Variants in EXOC4 observed in about 807,000 individuals in gnomAD.
EXOC4 encodes exocyst complex component 4, also known as SEC8-like 1.
EXOC4 carries 71 observed loss-of-function variants against 107.2 expected under a neutral mutation model. The observed-to-expected ratio is 0.66, with a 90% CI of 0.55 to 0.81. The LOEUF (loss-of-function observed/expected upper bound fraction) is 0.81. EXOC4 is among the 30% of genes least tolerant of loss of function. EXOC4 has a pLI of 0.00. For missense variants in EXOC4, 1,108 were observed against 1,189.6 expected, an observed-to-expected ratio of 0.93 and a Z score of 1.01; for synonymous variants, 456 against 441.2, an observed-to-expected ratio of 1.03 and a Z score of -0.42.
intron 1 of EXOC4, among the ~76,000 whole-genome samples, chr7:133,267,511 G>A (rs1793759639): frequency 6.6e-6 from 1 of 152,080 alleles, no homozygotes; most frequent in South Asian, 2.1e-4. Flanking sequence ...CTTTATCCGA[G>A]AGGCCCTCCC....
chr7:133,474,372 G>GT (rs1407662076), intron 7 of EXOC4, among the ~76,000 whole-genome samples: 2 of 152,086 alleles, frequency 1.3e-5, no homozygotes, highest in Non-Finnish European at 2.9e-5. Context: ...CTGGAGTGCA[G>GT]TGGCATGATC....
chr7:133,630,186 ATTAT>A, intron 10 of EXOC4, 45 bp downstream of exon 10: 1 of 1,420,862 alleles, frequency 7.0e-7, no homozygotes, highest in Non-Finnish European at 9.9e-7. Context: ...CAATATTTTC[ATTAT>A]TTATGCTGGT....
chr7:133,955,844 G>GCCCA lies in EXOC4; in HGVS notation c.2206+17776_2206+17779dup, dbSNP rs112437675. Reference sequence around the variant, plus strand: ...GCATACGTGACCAGGTTGCAACAGTGCCCAGGCTTAGCCTCAACTTTGCTC... The same window carrying GCCCA: ...GCATACGTGACCAGGTTGCAACAGTGCCCACCCAGGCTTAGCCTCAACTTTGCTC... On this transcript the variant is annotated intron_variant, in intron 14 of 17. Coordinates refer to ENST00000253861, the MANE Select transcript of EXOC4 (RefSeq NM_021807.4). 1.5e-4 allele frequency among the ~76,000 whole-genome samples: 23 copies of GCCCA among 152,382 alleles called. 1 individual carries two copies. The highest frequency in any genetic ancestry group is 4.1e-4 in the African/African-American group (17 of 41,592).
At chr7:134,014,641 AATAG>A (rs1167781111) in intron 17 of EXOC4, among the ~76,000 whole-genome samples, 5 of 152,142 alleles carry the variant, frequency 3.3e-5, no homozygotes, top group Middle Eastern at 3.2e-3. Context: ...GAAATGGGGA[AATAG>A]ATAGAGGAGT....
At chr7:134,100,168 T>TA in the EXOC4 span, among the ~76,000 whole-genome samples, 1 of 152,068 alleles carries the variant, frequency 6.6e-6, no homozygotes, top group African/African-American at 2.4e-5. Flanking sequence ...GTGAGGAAAA[T>TA]ACCTTTTTCT....
intron 9 of EXOC4, among the ~76,000 whole-genome samples, chr7:133,512,770 A>G (rs990422954): frequency 1.3e-5 from 2 of 152,184 alleles, no homozygotes; most frequent in Non-Finnish European, 2.9e-5. Context: ...TACTCCTTCT[A>G]CGCCTCAGTC....
Position 133,879,628 on chromosome 7 carries a change from A to T in EXOC4, c.1735-15971A>T, listed in dbSNP as rs187377674. Reference sequence around the variant, plus strand: ...TCATTGATTTTTCATATTTTTCATTACGTGTAATTACCTGTAATAATTTAT... The same window carrying T: ...TCATTGATTTTTCATATTTTTCATTTCGTGTAATTACCTGTAATAATTTAT... On this transcript the variant is annotated intron_variant, in intron 11 of 17. Transcript: ENST00000253861. Among the ~76,000 whole-genome samples, 6 of 152,256 alleles carry T rather than the reference A, an allele frequency of 3.9e-5. No individual in the cohort carries two copies. The East Asian group carries it at 1.2e-3, about 29-fold the overall frequency.
chr7:134,001,434 T>C (rs1198397205), intron 15 of EXOC4, among the ~76,000 whole-genome samples: 1 of 151,814 alleles, frequency 6.6e-6, no homozygotes, highest in Non-Finnish European at 1.5e-5. Context: ...AAAAATACTT[T>C]ATTTGAATTT....
intron 17 of EXOC4, among the ~76,000 whole-genome samples, chr7:134,033,331 G>T (rs144906458): frequency 6.6e-6 from 1 of 152,156 alleles, no homozygotes; most frequent in Admixed American, 6.5e-5. Context: ...AGCCATCCTA[G>T]GAAATATTTA....
chr7:133,311,349 A>G (rs1794866923), intron 4 of EXOC4, among the ~76,000 whole-genome samples: 1 of 152,194 alleles, frequency 6.6e-6, no homozygotes, highest in Admixed American at 6.5e-5. Flanking sequence ...TGCAGACATG[A>G]AGTAGAAAAT....
the EXOC4 span, among the ~76,000 whole-genome samples, chr7:134,083,512 C>G: frequency 9.2e-5 from 14 of 152,192 alleles, no homozygotes; most frequent in African/African-American, 3.4e-4. Flanking sequence ...ATGGCACCAA[C>G]TAGAGTCACC....
intron 9 of EXOC4, among the ~76,000 whole-genome samples, chr7:133,609,657 G>A (rs1001768473): frequency 2.0e-5 from 3 of 152,200 alleles, no homozygotes; most frequent in Admixed American, 6.5e-5. Context: ...TGCCTTACAT[G>A]TGATTTTATC....
At chr7:133,771,169 G>A (rs1796236678) in intron 10 of EXOC4, 1 of 151,922 alleles carries the variant, frequency 6.6e-6, no homozygotes, top group Admixed American at 6.6e-5. Context: ...ATGGAAGACA[G>A]GACTGGAAAG....
At chr7:133,826,079 C>T (rs2151230920) in intron 11 of EXOC4, among the ~76,000 whole-genome samples, 1 of 152,234 alleles carries the variant, frequency 6.6e-6, no homozygotes, top group East Asian at 1.9e-4. Flanking sequence ...TGACTTGTGG[C>T]TACCTAAGAC....
chr7:133,810,596 CTTTATTTTATTTTAT>C (rs60838740), intron 10 of EXOC4, among the ~76,000 whole-genome samples: 2 of 103,862 alleles, frequency 1.9e-5, no homozygotes, highest in African/African-American at 6.8e-5. Flanking sequence ...CCATGCTTTG[CTTTATTTTATTTTAT>C]TTTATTTTAT....
chr7:134,045,275 A>G (rs374059485), intron 17 of EXOC4, among the ~76,000 whole-genome samples: 32 of 152,330 alleles, frequency 2.1e-4, no homozygotes, highest in African/African-American at 5.8e-4. Flanking sequence ...GTTGTTATCA[A>G]TGTTTCTTGA....
At chr7:133,564,749 A>G (rs557912284) in intron 9 of EXOC4, among the ~76,000 whole-genome samples, 100 of 152,296 alleles carry the variant, frequency 6.6e-4, no homozygotes, top group Non-Finnish European at 1.6e-4. Context: ...TTTGTAATGT[A>G]TGAAGCTTTT....
chr7:133,733,052 C>G, intron 10 of EXOC4: 1 of 189,452 alleles, frequency 5.3e-6, no homozygotes, highest in South Asian at 1.1e-4. Flanking sequence ...TGCAACTTGA[C>G]TGCAGATCAG....
chr7:133,256,856 A>C (rs1470371712), intron 1 of EXOC4, among the ~76,000 whole-genome samples: 2 of 151,982 alleles, frequency 1.3e-5, no homozygotes, highest in African/African-American at 4.8e-5. Context: ...TCTCATCGCT[A>C]TTTCCAGCCC....
Sources: gnomAD v4.1 joint callset for allele counts (sites outside exome capture counted in the v4.1 genomes callset) on GRCh38, gnomAD v4.1.1 for gene constraint, MANE v1.5 for transcripts, NCBI Gene and HGNC (gene_info 2026-07-23, HGNC 2026-07-21) for gene names.